Variants in CFAP206 observed in about 807,000 individuals in gnomAD.
CFAP206 encodes cilia and flagella associated protein 206, also known as cilia- and flagella-associated protein 206.
Under a neutral mutation model 65.4 loss-of-function variants are expected in CFAP206, and 53 were observed. The observed-to-expected ratio is 0.81, with a 90% CI of 0.65 to 1.02. The LOEUF (loss-of-function observed/expected upper bound fraction) is 1.02. CFAP206 is among the 50% of genes least tolerant of loss of function. The pLI, the probability that CFAP206 is intolerant of heterozygous loss-of-function variation, is 0.00. For missense variants in CFAP206, 663 were observed against 753.2 expected (o/e 0.88, Z 1.40); for synonymous variants, 250 against 254.4 (o/e 0.98, Z 0.17).
Position 87,426,522 on chromosome 6 carries a change from ACAGT to A in CFAP206, c.841_844del (p.Ser281IlefsTer2). The A allele has an allele frequency of 2.6e-6, 4 of 1,562,118 alleles. No homozygotes were observed. Among genetic ancestry groups the A allele is most frequent in the Non-Finnish European group, 3.5e-6 (4 of 1,156,614 alleles). On this transcript the variant is annotated splice_acceptor_variant and splice_polypyrimidine_tract_variant and coding_sequence_variant and intron_variant, in exon 8 of 13. Transcript: ENST00000369562. LOFTEE classifies it high-confidence loss of function. ...TATTAATGCAAATTATGTTGTTTTC[ACAGT>A]CAGATATAATTACTGGTGCTCAAGA... is the stretch of plus-strand genomic sequence containing the variant.
At chr6:87,442,027 A>G (rs377334344) in intron 11 of CFAP206, 8 of 236,090 alleles carry the variant, frequency 3.4e-5, no homozygotes, top group South Asian at 1.3e-4. Context: ...CTTCCAAAAT[A>G]TGTCACCCTC....
intron 1 of CFAP206, chr6:87,408,697 A>C (rs1016590475): frequency 6.6e-6 from 1 of 150,724 alleles, no homozygotes; most frequent in Admixed American, 6.6e-5. Flanking sequence ...CGATTCCCTT[A>C]AGCCGCGCAC....
chr6:87,424,266 G>T (rs1767998232), intron 7 of CFAP206, among the ~76,000 whole-genome samples: 1 of 152,036 alleles, frequency 6.6e-6, no homozygotes, highest in Non-Finnish European at 1.5e-5. Context: ...CACATAGTAA[G>T]AATAAATATA....
At chr6:87,436,247 G>A (rs2127953173) in intron 11 of CFAP206, among the ~76,000 whole-genome samples, 1 of 151,800 alleles carries the variant, frequency 6.6e-6, no homozygotes, top group African/African-American at 2.4e-5. Context: ...CATCACGCCT[G>A]GCTAATTTTT....
At chr6:87,445,168 C>T in intron 11 of CFAP206, 1 of 278,488 alleles carries the variant, frequency 3.6e-6, no homozygotes, top group Non-Finnish European at 7.0e-6. Context: ...ATTTTCATCT[C>T]CCCTTTCTTT....
intron 7 of CFAP206, among the ~76,000 whole-genome samples, 194 bp downstream of exon 7, chr6:87,418,610 A>G (rs1767879084): frequency 6.6e-6 from 1 of 152,196 alleles, no homozygotes; most frequent in South Asian, 2.1e-4. Flanking sequence ...ATATTTTGGT[A>G]GAAGTTGAAT....
chr6:87,431,193 A>C lies in CFAP206; in HGVS notation c.1300+20A>C. ...TTCCAGGTATATCATTGGAAATGAG[A>C]CTGCTCTCCTTTCCCCGATTTTTTC... On this transcript the variant is annotated intron_variant, in intron 10 of 12. Transcript: ENST00000369562. 1 of 1,603,480 alleles carries C rather than the reference A, an allele frequency of 6.2e-7. No individual in the cohort carries two copies. Among genetic ancestry groups the C allele is most frequent in the Non-Finnish European group, 8.5e-7 (1 of 1,174,362 alleles).
In CFAP206 at chr6:87,414,820, T is replaced by G. The variant is rs145924938; in HGVS notation, c.284-866T>G. Among the ~76,000 whole-genome samples, 1,105 of 152,312 alleles carry G rather than the reference T, an allele frequency of 7.3e-3. 11 individuals are homozygous for G. The highest frequency in any genetic ancestry group is 0.025 in the African/African-American group (1,032 of 41,552). ...TATGCTACCTATGTAAAAGTATATA[T>G]CTTGCGTTTTTGCTTAATAGTGAAA... On this transcript the variant is annotated intron_variant, in intron 4 of 12. Transcript: ENST00000369562.
intron 11 of CFAP206, among the ~76,000 whole-genome samples, chr6:87,444,160 G>C (rs971454768): frequency 6.6e-6 from 1 of 152,150 alleles, no homozygotes; most frequent in Non-Finnish European, 1.5e-5. Flanking sequence ...GGTTTAAAAA[G>C]TGTTTAAAGT....
intron 11 of CFAP206, chr6:87,436,689 T>C (rs1240649298): frequency 3.3e-5 from 5 of 152,348 alleles, no homozygotes; most frequent in African/African-American, 9.6e-5. Flanking sequence ...GATGACATCG[T>C]TGATGTAGCA....
Position 87,418,192 on chromosome 6 carries a change from A to G in CFAP206, c.632-16A>G. The G allele has an allele frequency of 6.2e-7, 1 of 1,613,046 alleles. No individual in the cohort carries two copies. Among genetic ancestry groups the G allele is most frequent in the Non-Finnish European group, 8.5e-7 (1 of 1,179,216 alleles). ...TAGTCTCCTTTATGGCTGCCTTTTC[A>G]TACTCTTACAAACAGTGCCAGCTGT... On this transcript the variant is annotated splice_polypyrimidine_tract_variant and intron_variant, in intron 6 of 12. Coordinates refer to ENST00000369562, the MANE Select transcript of CFAP206 (RefSeq NM_001031743.3).
intron 11 of CFAP206, among the ~76,000 whole-genome samples, chr6:87,443,049 T>C (rs576728765): frequency 5.9e-5 from 9 of 152,288 alleles, no homozygotes; most frequent in African/African-American, 2.2e-4. Flanking sequence ...TAATTGGAAT[T>C]ATCTGGTAAT....
In CFAP206 at chr6:87,434,923, C is replaced by A; in HGVS notation, c.1364C>A (p.Ala455Asp). Residue 455 changes from alanine (A) to aspartate (D), a missense_variant, in exon 11 of 13, where the codon GCT becomes GAT. By Grantham distance (126) the Ala-to-Asp change is moderately radical (BLOSUM62 -2). Transcript: ENST00000369562. ...EKYYTFNSKD[A>D]AYSFAENPEH... The stretch of plus-strand genomic sequence containing the variant: ...TATTACACATTCAATAGTAAAGATG[C>A]TGCATATTCATTTGCAGAAAATCCT... 1 of 1,542,734 alleles carries A rather than the reference C, an allele frequency of 6.5e-7. No homozygotes were observed. The highest frequency in any genetic ancestry group is 8.9e-7 in the Non-Finnish European group (1 of 1,122,632).
intron 11 of CFAP206, among the ~76,000 whole-genome samples, chr6:87,446,825 G>A (rs1356779741): frequency 6.6e-6 from 1 of 152,178 alleles, no homozygotes; most frequent in Non-Finnish European, 1.5e-5. Flanking sequence ...CTATTCATGA[G>A]AATGGAATGT....
intron 11 of CFAP206, 49 bp from the exon 12 acceptor site, chr6:87,460,973 A>C: frequency 6.7e-7 from 1 of 1,492,778 alleles, no homozygotes; most frequent in Non-Finnish European, 8.9e-7. Context: ...TTATCAGTAA[A>C]TAATGTTTAT....
chr6:87,452,571 G>T (rs1768564263), intron 11 of CFAP206, among the ~76,000 whole-genome samples: 1 of 152,046 alleles, frequency 6.6e-6, no homozygotes, highest in Non-Finnish European at 1.5e-5. Flanking sequence ...TTTTGAGGAA[G>T]CTCAATGAAA....
chr6:87,441,957 G>T, intron 11 of CFAP206: 1 of 261,326 alleles, frequency 3.8e-6, no homozygotes, highest in South Asian at 5.0e-5. Flanking sequence ...TACTGTCACT[G>T]AGTACATAAG....
chr6:87,436,104 T>TTA (rs2127953147), intron 11 of CFAP206: 1 of 131,790 alleles, frequency 7.6e-6, no homozygotes, highest in South Asian at 2.6e-4. Flanking sequence ...TTTTTTTTTT[T>TTA]TAACCAAGTC....
At chr6:87,443,004 T>C (rs1768382241) in intron 11 of CFAP206, among the ~76,000 whole-genome samples, 1 of 152,130 alleles carries the variant, frequency 6.6e-6, no homozygotes. Context: ...AGTATGAATG[T>C]TTTATATTTT....
Sources: allele counts gnomAD v4.1 joint callset (sites outside exome capture counted in the v4.1 genomes callset), GRCh38; gene constraint gnomAD v4.1.1; transcripts MANE v1.5; gene names NCBI Gene and HGNC (gene_info 2026-07-23, HGNC 2026-07-21).